Variants in ZNF536 observed in about 807,000 individuals in gnomAD.
ZNF536 encodes zinc finger protein 536.
ZNF536 carries 13 observed loss-of-function variants against 84.5 expected under a neutral mutation model. That is an observed-to-expected ratio of 0.15 (90% confidence interval 0.10 to 0.24). The LOEUF is 0.24. Ranked by LOEUF, ZNF536 falls within the 10% of genes least tolerant of loss-of-function variation. ZNF536 has a pLI of 1.00. For missense variants in ZNF536, 1,536 were observed against 1,747.5 expected (o/e 0.88, Z 2.16); for synonymous variants, 811 against 742.5 (o/e 1.09, Z -1.50).
intron 1 of ZNF536, among the ~76,000 whole-genome samples, chr19:30,669,865 T>G (rs2050476486): frequency 1.3e-5 from 2 of 152,246 alleles, no homozygotes; most frequent in Admixed American, 1.3e-4. Flanking sequence ...TGTGCACGAA[T>G]AGAGCGTCTG....
chr19:30,332,622 T>A (rs536069629), intron 2 of ZNF536, among the ~76,000 whole-genome samples: 1 of 152,340 alleles, frequency 6.6e-6, no homozygotes, highest in South Asian at 2.1e-4. Flanking sequence ...GATCTCACCC[T>A]GCTTACTCAC....
intron 2 of ZNF536, among the ~76,000 whole-genome samples, chr19:30,296,918 C>T (rs376664178): frequency 6.6e-6 from 1 of 152,236 alleles, no homozygotes; most frequent in East Asian, 1.9e-4. Flanking sequence ...ACTTGGGCCT[C>T]GCCTCCGTAT....
chr19:30,643,770 G>A (rs192831785), intron 1 of ZNF536, among the ~76,000 whole-genome samples: 49 of 152,178 alleles, frequency 3.2e-4, no homozygotes, highest in Non-Finnish European at 6.5e-4. Flanking sequence ...TGGGAGTTGC[G>A]TTGGGGGGTG....
At chr19:30,433,611 C>G (rs1471105173) in intron 1 of ZNF536, among the ~76,000 whole-genome samples, 1 of 152,230 alleles carries the variant, frequency 6.6e-6, no homozygotes, top group African/African-American at 2.4e-5. Flanking sequence ...GATTCTCCTG[C>G]TTCAGCCTCC....
At chr19:30,693,495 T>C (rs2051508700) in intron 1 of ZNF536, among the ~76,000 whole-genome samples, 1 of 152,134 alleles carries the variant, frequency 6.6e-6, no homozygotes, top group Non-Finnish European at 1.5e-5. Flanking sequence ...CAAGAGGATA[T>C]GCAAAGTCTG....
intron 2 of ZNF536, among the ~76,000 whole-genome samples, chr19:30,449,635 C>T (rs1345834496): frequency 6.6e-6 from 1 of 152,018 alleles, no homozygotes; most frequent in African/African-American, 2.4e-5. Flanking sequence ...ATGCATTGAC[C>T]CTCTGTTCAT....
intron 2 of ZNF536, among the ~76,000 whole-genome samples, chr19:30,505,081 C>T (rs931753386): frequency 3.3e-5 from 5 of 151,982 alleles, no homozygotes; most frequent in South Asian, 2.1e-4. Flanking sequence ...ACTCTTAGTC[C>T]GCCCAGTAGC....
At chr19:30,679,204 C>A (rs995110726) in intron 1 of ZNF536, among the ~76,000 whole-genome samples, 1 of 152,120 alleles carries the variant, frequency 6.6e-6, no homozygotes, top group Admixed American at 6.5e-5. Context: ...GGCACCAGCC[C>A]GATTTTTTAT....
chr19:30,227,423 G>A (rs910753487), upstream of ZNF536, among the ~76,000 whole-genome samples: 3 of 152,226 alleles, frequency 2.0e-5, no homozygotes, highest in Non-Finnish European at 4.4e-5. Flanking sequence ...CCGAGAAAGA[G>A]CAGGGCGGGG....
chr19:30,666,832 G>GTATATA (rs67781281), intron 1 of ZNF536, among the ~76,000 whole-genome samples: 1,877 of 149,036 alleles, frequency 0.013, 35 homozygotes, highest in African/African-American at 0.044. Flanking sequence ...GTGTGTGTGT[G>GTATATA]TATATATATA....
At chr19:30,472,566 G>C (rs1032069535) in intron 2 of ZNF536, among the ~76,000 whole-genome samples, 1 of 152,172 alleles carries the variant, frequency 6.6e-6, no homozygotes, top group Admixed American at 6.5e-5. Flanking sequence ...TGTGAAAACT[G>C]AGTCACCCAG....
chr19:30,709,832 A>G (rs752608612), intron 1 of ZNF536, among the ~76,000 whole-genome samples: 5 of 152,092 alleles, frequency 3.3e-5, no homozygotes, highest in Non-Finnish European at 7.4e-5. Flanking sequence ...GCCCAGGCTG[A>G]TCTCAAACTC....
At chr19:30,442,594 C>T (rs1461527569) in intron 1 of ZNF536, among the ~76,000 whole-genome samples, 2 of 152,140 alleles carry the variant, frequency 1.3e-5, no homozygotes, top group Non-Finnish European at 2.9e-5. Context: ...GGAAGAGCCC[C>T]ATTATAAGGT....
Position 30,703,088 on chromosome 19 carries a change from C to A in ZNF536, c.170-7669C>A, listed in dbSNP as rs1345738294. On this transcript the variant is annotated intron_variant, in intron 1 of 1. Transcript: ENST00000592773. ...CCGGGAGGCCTTCCCCAGGCAGAGG[C>A]AGCTGCATGGAGGCCTGGAGGATGA... Among the ~76,000 whole-genome samples, 4 of 152,126 alleles carry A rather than the reference C, an allele frequency of 2.6e-5. No individual in the cohort carries two copies. In the East Asian group the frequency reaches 5.8e-4, roughly 22 times the overall value.
At chr19:30,477,557 G>C (rs1388718363) in intron 2 of ZNF536, among the ~76,000 whole-genome samples, 1 of 152,194 alleles carries the variant, frequency 6.6e-6, no homozygotes, top group African/African-American at 2.4e-5. Flanking sequence ...CGTGAAGAAA[G>C]CAGAGTATTC....
chr19:30,676,005 G>A (rs781433520), intron 1 of ZNF536, among the ~76,000 whole-genome samples: 6 of 152,060 alleles, frequency 3.9e-5, no homozygotes, highest in Non-Finnish European at 5.9e-5. Flanking sequence ...CTATAGGCAT[G>A]AGCCACTACA....
intron 1 of ZNF536, among the ~76,000 whole-genome samples, chr19:30,573,982 A>G (rs952761382): frequency 6.6e-6 from 1 of 152,194 alleles, no homozygotes; most frequent in African/African-American, 2.4e-5. Flanking sequence ...AGTTTTTGTC[A>G]GGGAAAACTG....
intron 1 of ZNF536, among the ~76,000 whole-genome samples, chr19:30,238,726 G>A (rs1411771918): frequency 6.6e-6 from 1 of 151,760 alleles, no homozygotes; most frequent in Non-Finnish European, 1.5e-5. Context: ...AGGTAGGATC[G>A]GCACTGTGAA....
chr19:30,467,776 C>T lies in ZNF536; in HGVS notation c.2170+22044C>T, dbSNP rs910658316. ...GAGCATTTCTGAGGGAGGGTTTTGGCGTCAGGAATGGGCCTCTGCTCAGAC... is the reference window on the plus strand; with the variant it reads ...GAGCATTTCTGAGGGAGGGTTTTGGTGTCAGGAATGGGCCTCTGCTCAGAC... On this transcript the variant is annotated intron_variant, in intron 2 of 4. Transcript: ENST00000355537. 1.8e-4 allele frequency among the ~76,000 whole-genome samples: 28 copies of T among 152,326 alleles called. 1 individual carries two copies. The highest frequency in any genetic ancestry group is 5.1e-4 in the African/African-American group (21 of 41,580).
Sources: allele counts gnomAD v4.1 joint callset (sites outside exome capture counted in the v4.1 genomes callset), GRCh38; gene constraint gnomAD v4.1.1; transcripts MANE v1.5; gene names NCBI Gene and HGNC (gene_info 2026-07-23, HGNC 2026-07-21).